Variants in AGBL1 observed in about 807,000 individuals in gnomAD.
The protein encoded by AGBL1 is cytosolic carboxypeptidase 4.
Under a neutral mutation model 118.9 loss-of-function variants are expected in AGBL1, and 130 were observed. The ratio of observed to expected loss-of-function variants is 1.09; its 90% confidence interval spans 0.95 to 1.26. The LOEUF (loss-of-function observed/expected upper bound fraction) is 1.26, where lower values mean the gene tolerates loss of function less well. Among genes scored for constraint, AGBL1 ranks in the 50% most tolerant of loss-of-function variants. The pLI, the probability that AGBL1 is intolerant of heterozygous loss-of-function variation, is 0.00. For synonymous variants in AGBL1, 555 were observed against 478.9 expected, an observed-to-expected ratio of 1.16 and a Z score of -2.08; for missense variants, 1,584 against 1,298.1, an observed-to-expected ratio of 1.22 and a Z score of -3.38.
chr15:86,186,903 T>A (rs777096505), intron 5 of AGBL1, among the ~76,000 whole-genome samples: 44 of 152,180 alleles, frequency 2.9e-4, no homozygotes, highest in Non-Finnish European at 5.9e-4. Context: ...CAAGACAAAA[T>A]GTGACTCTAA....
At chr15:86,456,157 T>C (rs1456558458) in intron 18 of AGBL1, among the ~76,000 whole-genome samples, 1 of 152,158 alleles carries the variant, frequency 6.6e-6, no homozygotes, top group Non-Finnish European at 1.5e-5. Flanking sequence ...ATTAAAACAA[T>C]AACAACAAGC....
chr15:86,578,582 G>T (rs1469107849), intron 21 of AGBL1, among the ~76,000 whole-genome samples: 1 of 152,194 alleles, frequency 6.6e-6, no homozygotes, highest in East Asian at 1.9e-4. Context: ...TGGTTTGGCT[G>T]TATCCCCATG....
chr15:86,824,354 T>C (rs780170306), intron 22 of AGBL1, among the ~76,000 whole-genome samples: 1 of 152,016 alleles, frequency 6.6e-6, no homozygotes, highest in South Asian at 2.1e-4. Flanking sequence ...TCAAAGAAAA[T>C]ACAGCACCCA....
At chr15:86,481,893 C>A (rs2082656758) in intron 18 of AGBL1, among the ~76,000 whole-genome samples, 1 of 152,040 alleles carries the variant, frequency 6.6e-6, no homozygotes, top group East Asian at 1.9e-4. Context: ...TTGTGTTTTA[C>A]TCAAATGACT....
chr15:86,529,351 G>C (rs1184596876), intron 19 of AGBL1, among the ~76,000 whole-genome samples: 2 of 135,772 alleles, frequency 1.5e-5, no homozygotes, highest in Admixed American at 6.8e-5. Flanking sequence ...TGGAAGAAAG[G>C]GTATCAACGA....
intron 22 of AGBL1, among the ~76,000 whole-genome samples, chr15:86,796,170 T>A (rs2078567723): frequency 6.6e-6 from 1 of 152,184 alleles, no homozygotes; most frequent in Admixed American, 6.5e-5. Context: ...ACTGTTGGTG[T>A]CAGCATTCTC....
intron 21 of AGBL1, among the ~76,000 whole-genome samples, chr15:86,582,759 G>A (rs2142334688): frequency 6.6e-6 from 1 of 151,286 alleles, no homozygotes; most frequent in Non-Finnish European, 1.5e-5. Flanking sequence ...ACTATCGCAA[G>A]GACAAAAAAC....
intron 5 of AGBL1, among the ~76,000 whole-genome samples, chr15:86,219,207 A>G (rs1203537269): frequency 6.6e-6 from 1 of 152,166 alleles, no homozygotes; most frequent in Non-Finnish European, 1.5e-5. Context: ...GCAAACACAT[A>G]TACAGAGATA....
intron 3 of AGBL1, among the ~76,000 whole-genome samples, chr15:86,153,879 C>T (rs1215532719): frequency 6.6e-6 from 1 of 152,028 alleles, no homozygotes; most frequent in Non-Finnish European, 1.5e-5. Flanking sequence ...TTCCTAAATC[C>T]TTTCAAGTGC....
intron 6 of AGBL1, among the ~76,000 whole-genome samples, chr15:86,230,490 C>G (rs1313024951): frequency 6.6e-6 from 1 of 152,208 alleles, no homozygotes; most frequent in Non-Finnish European, 1.5e-5. Flanking sequence ...TGTCACTGAA[C>G]TTGCATGTAA....
chr15:86,385,428 C>A (rs1394297641), intron 17 of AGBL1, among the ~76,000 whole-genome samples: 3 of 152,188 alleles, frequency 2.0e-5, no homozygotes, highest in Admixed American at 6.5e-5. Flanking sequence ...TCAGGCATCA[C>A]CTCAGACTCA....
chr15:86,758,645 C>G (rs1340188015), intron 22 of AGBL1, among the ~76,000 whole-genome samples: 3 of 151,870 alleles, frequency 2.0e-5, no homozygotes, highest in African/African-American at 4.8e-5. Context: ...TTGTTCTGAT[C>G]CAGGTGCCGA....
intron 1 of AGBL1, among the ~76,000 whole-genome samples, chr15:86,113,271 TTCTTTTTC>T (rs1255007387): frequency 6.9e-6 from 1 of 144,868 alleles, no homozygotes; most frequent in African/African-American, 2.6e-5. Context: ...CTTTCTTTCT[TTCTTTTTC>T]TTTCTTTCTT....
chr15:86,095,625 A>G (rs986507942), intron 1 of AGBL1, among the ~76,000 whole-genome samples: 4 of 148,852 alleles, frequency 2.7e-5, no homozygotes, highest in Non-Finnish European at 4.4e-5. Context: ...ACCATATCAT[A>G]ATGTCACATG....
At chr15:86,751,327 T>G (rs1212974920) in intron 22 of AGBL1, among the ~76,000 whole-genome samples, 1 of 152,140 alleles carries the variant, frequency 6.6e-6, no homozygotes, top group African/African-American at 2.4e-5. Flanking sequence ...CTGAGTCATA[T>G]GCAGAAGGTT....
intron 6 of AGBL1, among the ~76,000 whole-genome samples, chr15:86,228,972 T>C (rs2078411023): frequency 6.6e-6 from 1 of 152,174 alleles, no homozygotes; most frequent in African/African-American, 2.4e-5. Flanking sequence ...GTGCCTTTCC[T>C]TGTATCAGTT....
At chr15:86,630,634 T>A (rs1237111768) in intron 21 of AGBL1, 1 of 152,268 alleles carries the variant, frequency 6.6e-6, no homozygotes. Context: ...TTCCCTTCTC[T>A]CACCTGAGCC....
chr15:86,695,634 G>C (rs910337843), intron 22 of AGBL1, among the ~76,000 whole-genome samples: 3 of 151,704 alleles, frequency 2.0e-5, no homozygotes, highest in African/African-American at 7.3e-5. Flanking sequence ...TCTTCTGCTG[G>C]GTTTGGGTTT....
At chr15:86,444,532 CTG>C (rs773927251) in intron 18 of AGBL1, among the ~76,000 whole-genome samples, 19 of 152,200 alleles carry the variant, frequency 1.2e-4, no homozygotes, top group Non-Finnish European at 2.5e-4. Flanking sequence ...CAAAAGCTAT[CTG>C]GGGGCAGGCC....
Sources: allele counts gnomAD v4.1 joint callset (sites outside exome capture counted in the v4.1 genomes callset), GRCh38; gene constraint gnomAD v4.1.1; transcripts MANE v1.5; gene names NCBI Gene and HGNC (gene_info 2026-07-23, HGNC 2026-07-21).